ADARB2: variants seen among roughly 807,000 people sequenced by gnomAD.
ADARB2 encodes the protein inactive double-stranded RNA-specific editase B2.
In ADARB2, 25 loss-of-function variants were observed where a neutral mutation model predicts 62.2. The ratio of observed to expected loss-of-function variants is 0.40; its 90% confidence interval spans 0.29 to 0.56. The LOEUF is 0.56. Among genes scored for constraint, ADARB2 ranks in the 20% least tolerant of loss-of-function variants. The pLI is 0.43. For missense variants in ADARB2, 1,071 were observed against 1,077.4 expected (o/e 0.99, Z 0.08); for synonymous variants, 572 against 500.8 (o/e 1.14, Z -1.90).
intron 1 of ADARB2, among the ~76,000 whole-genome samples, chr10:1,381,092 T>G (rs186426433): frequency 2.3e-3 from 356 of 152,352 alleles, no homozygotes; most frequent in Admixed American, 3.8e-3. Context: ...AAAATTGAGT[T>G]TTAGATAAAC....
intron 1 of ADARB2, among the ~76,000 whole-genome samples, chr10:1,646,303 G>A (rs1271163744): frequency 2.0e-5 from 3 of 152,186 alleles, no homozygotes; most frequent in Admixed American, 1.3e-4. Context: ...AAAATGGCAT[G>A]AAAGCTCAAG....
At chr10:1,476,830 C>T (rs957303569) in intron 1 of ADARB2, among the ~76,000 whole-genome samples, 5 of 152,138 alleles carry the variant, frequency 3.3e-5, no homozygotes, top group African/African-American at 9.7e-5. Context: ...GCAGGTGCCA[C>T]GGCCCTCTGG....
At chr10:1,424,851 G>A (rs1216181881) in intron 1 of ADARB2, among the ~76,000 whole-genome samples, 1 of 152,172 alleles carries the variant, frequency 6.6e-6, no homozygotes, top group African/African-American at 2.4e-5. Flanking sequence ...TTGAAGACAA[G>A]GCTAGCCACA....
chr10:1,730,725 C>T (rs900532411), intron 1 of ADARB2, among the ~76,000 whole-genome samples: 1 of 152,054 alleles, frequency 6.6e-6, no homozygotes, highest in African/African-American at 2.4e-5. Context: ...AAAATCCCCT[C>T]CTTAATATAA....
chr10:1,570,674 G>T (rs1832922833), intron 1 of ADARB2, among the ~76,000 whole-genome samples: 2 of 152,224 alleles, frequency 1.3e-5, no homozygotes, highest in South Asian at 2.1e-4. Flanking sequence ...TATGGGAGAA[G>T]ATGGGGATTC....
At position 1,311,034 on chromosome 10, in the gene ADARB2, G is replaced by A. The variant is rs184020991; in HGVS notation, c.1078-39965C>T. On this transcript the variant is annotated intron_variant, in intron 3 of 9. Coordinates refer to ENST00000381312, the MANE Select transcript of ADARB2 (RefSeq NM_018702.4). ...AATCTAGATCTGGCTATAGGCAAAT[G>A]AAGACTGAGACAGCCTCAGTAGCTC... Among the ~76,000 whole-genome samples the A allele has an allele frequency of 5.6e-4, 86 of 152,330 alleles. 1 individual carries two copies. The highest frequency in any genetic ancestry group is 1.7e-3 in the African/African-American group (71 of 41,566).
At chr10:1,223,325 A>G (rs1435283711) in intron 6 of ADARB2, among the ~76,000 whole-genome samples, 4 of 152,188 alleles carry the variant, frequency 2.6e-5, no homozygotes, top group Admixed American at 2.6e-4. Flanking sequence ...GGCTGAGACG[A>G]TGGGGTTTTC....
intron 1 of ADARB2, among the ~76,000 whole-genome samples, chr10:1,544,027 A>C (rs1175008435): frequency 2.4e-5 from 2 of 84,794 alleles, no homozygotes; most frequent in African/African-American, 6.6e-5. Flanking sequence ...ACAAAAAAAA[A>C]AACACACAAA....
At chr10:1,471,008 A>G (rs5014228) in intron 1 of ADARB2, among the ~76,000 whole-genome samples, 148,903 of 152,068 alleles carry the variant, frequency 0.98, 72,986 homozygotes, top group East Asian at 1. Context: ...GCAGTGAGCC[A>G]AGATGGCGCC....
chr10:1,710,251 T>G (rs893145032), intron 1 of ADARB2, among the ~76,000 whole-genome samples: 1 of 152,176 alleles, frequency 6.6e-6, no homozygotes, highest in Non-Finnish European at 1.5e-5. Context: ...GGCTGTGGTT[T>G]CCCCCTCATC....
chr10:1,308,620 A>G (rs956893589), intron 3 of ADARB2, among the ~76,000 whole-genome samples: 1 of 152,240 alleles, frequency 6.6e-6, no homozygotes, highest in Non-Finnish European at 1.5e-5. Flanking sequence ...TCCCACCAGC[A>G]GCGACTGAAT....
intron 2 of ADARB2, among the ~76,000 whole-genome samples, chr10:1,366,863 G>C (rs1306296026): frequency 2.6e-5 from 4 of 152,212 alleles, no homozygotes; most frequent in Non-Finnish European, 2.9e-5. Flanking sequence ...GTGGGGACAG[G>C]CTCTTCTGCC....
At chr10:1,484,106 T>C (rs113079562) in intron 1 of ADARB2, among the ~76,000 whole-genome samples, 10 of 152,340 alleles carry the variant, frequency 6.6e-5, no homozygotes, top group African/African-American at 2.2e-4. Flanking sequence ...TAAGCACAAC[T>C]GAAACACAAT....
rs7910730 is a variant in ADARB2, at chr10:1,435,085, G to T, written c.101-55925C>A. 9.4e-4 allele frequency among the ~76,000 whole-genome samples: 143 copies of T among 152,346 alleles called. 1 individual carries two copies. Among genetic ancestry groups the T allele is most frequent in the African/African-American group, 3.3e-3 (136 of 41,572 alleles). On this transcript the variant is annotated intron_variant, in intron 1 of 9. Transcript: ENST00000381312. ...GCACAGCACGGACCTGGGTCCCCTG[G>T]GAGGCCGTGGAGCACGAGGGAGGGC... is the stretch of plus-strand genomic sequence containing the variant.
At chr10:1,713,856 G>A (rs1490249533) in intron 1 of ADARB2, among the ~76,000 whole-genome samples, 1 of 152,184 alleles carries the variant, frequency 6.6e-6, no homozygotes, top group Non-Finnish European at 1.5e-5. Context: ...GAGGACTCCG[G>A]TTACAGACGT....
At chr10:1,227,783 A>G (rs1367630625) in intron 6 of ADARB2, among the ~76,000 whole-genome samples, 1 of 152,226 alleles carries the variant, frequency 6.6e-6, no homozygotes, top group Non-Finnish European at 1.5e-5. Flanking sequence ...AAATATTTTT[A>G]AACACCAAAT....
At chr10:1,244,826 G>T (rs935119874) in intron 4 of ADARB2, among the ~76,000 whole-genome samples, 7 of 152,188 alleles carry the variant, frequency 4.6e-5, no homozygotes, top group African/African-American at 1.4e-4. Flanking sequence ...GGCAGAGTGG[G>T]CATGGTGGTC....
At chr10:1,586,782 C>A (rs1335153332) in intron 1 of ADARB2, among the ~76,000 whole-genome samples, 1 of 152,146 alleles carries the variant, frequency 6.6e-6, no homozygotes, top group Non-Finnish European at 1.5e-5. Flanking sequence ...AAATGTGTTG[C>A]ACAAGTGTGA....
At chr10:1,462,687 ATGTG>A (rs1318924398) in intron 1 of ADARB2, among the ~76,000 whole-genome samples, 1 of 127,250 alleles carries the variant, frequency 7.9e-6, no homozygotes, top group Non-Finnish European at 1.7e-5. Context: ...GTATGTGTGC[ATGTG>A]TGTGTGCCTG....
Sources: allele counts gnomAD v4.1 joint callset (sites outside exome capture counted in the v4.1 genomes callset), GRCh38; gene constraint gnomAD v4.1.1; transcripts MANE v1.5; gene names NCBI Gene and HGNC (gene_info 2026-07-23, HGNC 2026-07-21).